RPTOR: variants seen among roughly 807,000 people sequenced by gnomAD.
RPTOR encodes regulatory-associated protein of mTOR.
RPTOR carries 21 observed loss-of-function variants against 169.9 expected under a neutral mutation model. The ratio of observed to expected loss-of-function variants is 0.12; its 90% confidence interval spans 0.09 to 0.18. The LOEUF (loss-of-function observed/expected upper bound fraction) is 0.18. Among genes scored for constraint, RPTOR ranks in the 10% least tolerant of loss-of-function variants. The pLI is 1.00. For missense variants in RPTOR, 1,133 were observed against 1,855.9 expected, an observed-to-expected ratio of 0.61 and a Z score of 7.16; for synonymous variants, 732 against 753.2, an observed-to-expected ratio of 0.97 and a Z score of 0.46.
chr17:80,901,935 G>T (rs991332811), intron 20 of RPTOR, among the ~76,000 whole-genome samples: 8 of 152,106 alleles, frequency 5.3e-5, no homozygotes, highest in Non-Finnish European at 7.4e-5. Context: ...TCCTTTGATC[G>T]CTGATGGAGC....
At chr17:80,581,371 G>A (rs1325602611) in intron 1 of RPTOR, among the ~76,000 whole-genome samples, 2 of 152,186 alleles carry the variant, frequency 1.3e-5, no homozygotes, top group Non-Finnish European at 2.9e-5. Context: ...TGTGAAAGCC[G>A]CTGTGTATGT....
In RPTOR at chr17:80,708,944, G is replaced by A; in HGVS notation, c.507+945G>A. ...CACCGCCTCCTGCCATCATAGTGAG[G>A]ACTCTGACTCCGTTTCTTCACACAC... is the stretch of plus-strand genomic sequence containing the variant. On this transcript the variant is annotated intron_variant, in intron 4 of 33. Transcript: ENST00000306801. This position sits in a 1 kb window ranked among gnomAD's most constrained non-coding sequence, Gnocchi z 4.2. 1 of 985,780 alleles carries A rather than the reference G, an allele frequency of 1.0e-6. No homozygotes were observed. The highest frequency in any genetic ancestry group is 1.1e-4 in the East Asian group (1 of 8,800). 61.1% of individuals were successfully genotyped at this position (985,780 alleles called of 1,614,324 possible).
At chr17:80,717,853 T>C (rs1282684643) in intron 4 of RPTOR, among the ~76,000 whole-genome samples, 3 of 152,208 alleles carry the variant, frequency 2.0e-5, no homozygotes, top group African/African-American at 7.2e-5. Flanking sequence ...CTCCCTTGCA[T>C]TCCCCTGTCT....
chr17:80,876,689 C>T (rs2068119483), intron 13 of RPTOR, among the ~76,000 whole-genome samples: 1 of 126,568 alleles, frequency 7.9e-6, no homozygotes. Context: ...CCGGGTCTTC[C>T]ACCAAGCCCC....
At chr17:80,696,318 A>G (rs961140658) in intron 3 of RPTOR, among the ~76,000 whole-genome samples, 11 of 152,244 alleles carry the variant, frequency 7.2e-5, no homozygotes, top group African/African-American at 2.7e-4. Flanking sequence ...CAAATAAAAT[A>G]TGCAAATAGA....
At position 80,860,361 on chromosome 17, in the gene RPTOR, G is replaced by A. The variant is rs953251105; in HGVS notation, c.1509+2461G>A. On this transcript the variant is annotated intron_variant, in intron 13 of 33. Transcript: ENST00000306801. The surrounding 1 kb of genome is among the most constrained non-coding windows in gnomAD (Gnocchi z 5.8). The stretch of plus-strand genomic sequence containing the variant: ...TACCCCGCACTGTGCGCTCTCACCC[G>A]TCAGCCCTGCACACCCCACACAAAG... 6.6e-6 allele frequency among the ~76,000 whole-genome samples: 1 copy of A among 152,162 alleles called. No homozygotes were observed.
intron 3 of RPTOR, among the ~76,000 whole-genome samples, chr17:80,654,872 A>G (rs977811530): frequency 6.6e-6 from 1 of 152,226 alleles, no homozygotes; most frequent in East Asian, 1.9e-4. Context: ...GAAAACTTGT[A>G]TGCGATGCAT....
At chr17:80,797,991 G>C (rs1452587556) in intron 7 of RPTOR, among the ~76,000 whole-genome samples, 1 of 152,196 alleles carries the variant, frequency 6.6e-6, no homozygotes, top group East Asian at 1.9e-4. Context: ...CGGCCCCTGT[G>C]TTCCAGGCAG....
chr17:80,625,843 T>A, intron 2 of RPTOR, 50 bp downstream of exon 2: 2 of 1,377,262 alleles, frequency 1.5e-6, no homozygotes, highest in South Asian at 1.2e-5. Flanking sequence ...TGGCCGGCTC[T>A]GGCCTGGGCG....
rs1248283392 is a variant in RPTOR, at chr17:80,947,347, C to T, written c.3261C>T (p.Ala1087=). The T allele has an allele frequency of 6.4e-7, 1 of 1,568,028 alleles. No homozygotes were observed. The change falls in exon 27 of 34, where the codon GCC becomes GCT. Residue 1087 remains alanine, a synonymous_variant. Coordinates refer to ENST00000306801, the MANE Select transcript of RPTOR (RefSeq NM_020761.3). The surrounding 1 kb of genome is among the most constrained non-coding windows in gnomAD (Gnocchi z 4.4). The part of the protein sequence containing the change: ...NGQDCSLLLT[A]TDDGAIRVWK... ...AGGACTGCTCGCTTCTGCTGACGGC[C>T]ACAGGTGAGCGGGGTTTGCACAGCC...
chr17:80,748,586 C>T (rs1216403073), intron 5 of RPTOR, among the ~76,000 whole-genome samples: 5 of 91,658 alleles, frequency 5.5e-5, no homozygotes, highest in South Asian at 5.1e-4. Context: ...GTTTGGAGGC[C>T]GTGGCGGGAG....
chr17:80,838,184 C>T (rs1422360981), intron 10 of RPTOR, among the ~76,000 whole-genome samples, 187 bp downstream of exon 10: 3 of 152,238 alleles, frequency 2.0e-5, no homozygotes, highest in East Asian at 1.9e-4. Context: ...TAAAGTTAAA[C>T]TTTGAAAGAA....
intron 13 of RPTOR, 123 bp downstream of exon 13, chr17:80,858,023 C>G (rs1349642572): frequency 1.3e-5 from 10 of 769,668 alleles, no homozygotes; most frequent in Non-Finnish European, 2.2e-5. Flanking sequence ...CACCGCCGTT[C>G]CCTTCCTCTC....
At chr17:80,772,232 T>TA (rs1346390818) in intron 6 of RPTOR, among the ~76,000 whole-genome samples, 3 of 152,202 alleles carry the variant, frequency 2.0e-5, no homozygotes, top group Admixed American at 2.0e-4. Flanking sequence ...TGGCTGCTTT[T>TA]AAAAAATAAA....
intron 21 of RPTOR, among the ~76,000 whole-genome samples, chr17:80,918,445 A>AGTCATAGCCACGAGCAGCCTCGCGGGG (rs2068702017): frequency 1.2e-5 from 1 of 84,394 alleles, no homozygotes; most frequent in Non-Finnish European, 2.5e-5. Flanking sequence ...CCCTCGCCGG[A>AGTCATAGCCACGAGCAGCCTCGCGGGG]GTCATAGCCA....
intron 4 of RPTOR, among the ~76,000 whole-genome samples, chr17:80,713,008 G>A (rs2066208489): frequency 1.3e-5 from 2 of 152,082 alleles, no homozygotes; most frequent in Non-Finnish European, 2.9e-5. Context: ...TTAAGAATCA[G>A]GTTGTTTTTC....
intron 13 of RPTOR, among the ~76,000 whole-genome samples, chr17:80,876,300 A>C (rs374860354): frequency 5.5e-3 from 51 of 9,262 alleles, no homozygotes; most frequent in Admixed American, 0.01. Flanking sequence ...CCGGGTCTTC[A>C]CACCGAGCCC....
chr17:80,644,485 A>G (rs1393325231), intron 3 of RPTOR, among the ~76,000 whole-genome samples: 1 of 152,164 alleles, frequency 6.6e-6, no homozygotes, highest in Non-Finnish European at 1.5e-5. Flanking sequence ...AATTTAATAA[A>G]AAACTAAGAA....
rs535224618 is a variant in RPTOR, at chr17:80,958,205, C to G, written c.3477+475C>G. ...AGTGATCCTCCCACCTCACCCCCCC[C>G]CCCCACCACCAAGTAGCTGGGACTA... On this transcript the variant is annotated intron_variant, in intron 29 of 33. Transcript: ENST00000306801. 5.0e-5 allele frequency among the ~76,000 whole-genome samples: 7 copies of G among 139,486 alleles called. 1 individual carries two copies. Among genetic ancestry groups the G allele is most frequent in the Non-Finnish European group, 1.1e-4 (7 of 63,308 alleles). 91.5% of individuals were successfully genotyped at this position (139,486 alleles called of 152,430 possible). A position where few individuals can be genotyped will look rare whatever the true frequency, so the allele number is the denominator to read the frequency against.
Sources: allele counts gnomAD v4.1 joint callset (sites outside exome capture counted in the v4.1 genomes callset), GRCh38; gene constraint gnomAD v4.1.1; non-coding constraint Gnocchi (gnomAD v3.1); transcripts MANE v1.5; gene names NCBI Gene and HGNC (gene_info 2026-07-23, HGNC 2026-07-21).